IL1RAPL1: variants seen among roughly 807,000 people sequenced by gnomAD.
IL1RAPL1 encodes interleukin-1 receptor accessory protein-like 1.
IL1RAPL1 carries 3 observed loss-of-function variants against 48.4 expected under a neutral mutation model. That is an observed-to-expected ratio of 0.06 (90% CI 0.03 to 0.16). The LOEUF (loss-of-function observed/expected upper bound fraction) is 0.16. Among genes scored for constraint, IL1RAPL1 ranks in the 10% least tolerant of loss-of-function variants. IL1RAPL1 has a pLI of 1.00. For synonymous variants in IL1RAPL1, 185 were observed against 187.7 expected (o/e 0.99, Z 0.12); for missense variants, 349 against 530.6 (o/e 0.66, Z 3.36).
At chrX:29,478,406 C>T (rs771035477) in intron 5 of IL1RAPL1, among the ~76,000 whole-genome samples, 1 of 111,544 alleles carries the variant, frequency 9.0e-6, no homozygotes, top group Non-Finnish European at 1.9e-5. Context: ...CCACTCTTGC[C>T]TCTGTCATCC....
intron 5 of IL1RAPL1, among the ~76,000 whole-genome samples, chrX:29,626,443 T>C (rs1294828609): frequency 1.8e-5 from 2 of 111,827 alleles, no homozygotes; most frequent in Non-Finnish European, 3.8e-5. Flanking sequence ...ATCTCACCCA[T>C]AGAGATGAAG....
At chrX:29,039,116 G>A (rs1926788782) in intron 2 of IL1RAPL1, among the ~76,000 whole-genome samples, 1 of 110,922 alleles carries the variant, frequency 9.0e-6, no homozygotes, top group Admixed American at 9.6e-5. Context: ...CTCACATTTT[G>A]TTCTTTTGTT....
intron 5 of IL1RAPL1, among the ~76,000 whole-genome samples, chrX:29,417,556 G>T (rs1004130248): frequency 5.4e-5 from 6 of 111,425 alleles, no homozygotes; most frequent in African/African-American, 2.0e-4. Flanking sequence ...TCATTTGTTG[G>T]GTTGATCATC....
intron 2 of IL1RAPL1, among the ~76,000 whole-genome samples, chrX:29,240,228 T>TTG (rs1931395811): frequency 4.2e-5 from 1 of 23,707 alleles, no homozygotes; most frequent in South Asian, 1.5e-3. Context: ...ATATATATTT[T>TTG]TTTTTTTTTT....
At chrX:28,770,145 G>A (rs1422618401) in intron 1 of IL1RAPL1, among the ~76,000 whole-genome samples, 1 of 112,027 alleles carries the variant, frequency 8.9e-6, no homozygotes, top group Non-Finnish European at 1.9e-5. Context: ...TTCATGTTTT[G>A]GGATCTCTAA....
intron 1 of IL1RAPL1, among the ~76,000 whole-genome samples, chrX:28,765,276 C>T (rs1936223177): frequency 9.0e-6 from 1 of 110,824 alleles, no homozygotes; most frequent in Non-Finnish European, 1.9e-5. Context: ...ACGTTGTGCA[C>T]ATGTACCTTG....
At chrX:29,255,142 C>CAT (rs1931734532) in intron 2 of IL1RAPL1, among the ~76,000 whole-genome samples, 2 of 62,407 alleles carry the variant, frequency 3.2e-5, no homozygotes, top group African/African-American at 8.0e-5. Flanking sequence ...TGTGTGTGTG[C>CAT]GTGTGTGTGT....
chrX:29,359,117 A>G (rs138768296), intron 3 of IL1RAPL1, among the ~76,000 whole-genome samples: 202 of 112,064 alleles, frequency 1.8e-3, no homozygotes, highest in African/African-American at 5.7e-3. Flanking sequence ...CGTGGTTTAT[A>G]TACTACAATA....
chrX:29,417,057 A>G (rs1293224205), intron 5 of IL1RAPL1, among the ~76,000 whole-genome samples: 1 of 111,801 alleles, frequency 8.9e-6, no homozygotes, highest in African/African-American at 3.2e-5. Context: ...GCTATTTTTA[A>G]ACTGTTCAAA....
chrX:29,180,987 A>G (rs754832305), intron 2 of IL1RAPL1, among the ~76,000 whole-genome samples: 9 of 111,882 alleles, frequency 8.0e-5, no homozygotes, highest in Non-Finnish European at 1.5e-4. Context: ...AAATGCATCC[A>G]TGCTTTTGTG....
At position 29,005,140 on chromosome X, in the gene IL1RAPL1, T is replaced by C. The variant is rs766606350; in HGVS notation, c.82+215715T>C. 3.8e-3 allele frequency among the ~76,000 whole-genome samples: 425 copies of C among 112,474 alleles called. 3 individuals carry two copies. The highest frequency in any genetic ancestry group is 0.012 in the African/African-American group (382 of 31,032). On this transcript the variant is annotated intron_variant, in intron 2 of 10. Transcript: ENST00000378993. ...TTAAAAATTATGACTAGCATGCAGT[T>C]AAGAAACTTGGCAGGCCAAACATCT...
intron 2 of IL1RAPL1, among the ~76,000 whole-genome samples, chrX:29,031,169 G>C (rs1310158981): frequency 1.8e-5 from 2 of 112,036 alleles, no homozygotes; most frequent in African/African-American, 6.5e-5. Flanking sequence ...GATAATTTAG[G>C]AAACTAAAGC....
At chrX:28,799,584 G>A (rs748818383) in intron 2 of IL1RAPL1, among the ~76,000 whole-genome samples, 1 of 111,906 alleles carries the variant, frequency 8.9e-6, no homozygotes, top group African/African-American at 3.3e-5. Context: ...AACTATGTAG[G>A]ATCATACATG....
At chrX:29,220,318 T>C (rs757815575) in intron 2 of IL1RAPL1, among the ~76,000 whole-genome samples, 2 of 112,739 alleles carry the variant, frequency 1.8e-5, no homozygotes, top group East Asian at 5.5e-4. Flanking sequence ...GTAAAAGATA[T>C]TTACATGTCT....
chrX:28,861,166 T>G (rs967907913), intron 2 of IL1RAPL1, among the ~76,000 whole-genome samples: 1 of 111,775 alleles, frequency 8.9e-6, no homozygotes, highest in Non-Finnish European at 1.9e-5. Flanking sequence ...GACAGCCACT[T>G]ATAGTATAAG....
chrX:29,322,769 C>A, intron 3 of IL1RAPL1, among the ~76,000 whole-genome samples: 1 of 110,978 alleles, frequency 9.0e-6, no homozygotes, highest in Non-Finnish European at 1.9e-5. Flanking sequence ...TCAGGTTTTA[C>A]ATCTAAAACC....
At chrX:28,747,365 G>A (rs1235171696) in intron 1 of IL1RAPL1, among the ~76,000 whole-genome samples, 1 of 111,900 alleles carries the variant, frequency 8.9e-6, no homozygotes, top group Non-Finnish European at 1.9e-5. Flanking sequence ...GCCGGGCGCA[G>A]TGGCTCTTGC....
intron 1 of IL1RAPL1, among the ~76,000 whole-genome samples, chrX:28,631,219 T>G (rs768196218): frequency 8.9e-6 from 1 of 111,802 alleles, no homozygotes; most frequent in East Asian, 2.8e-4. Context: ...CATGGTTCAC[T>G]GTCTTGTGCC....
In IL1RAPL1 at chrX:29,696,587, G is replaced by T. The variant is rs982987149; in HGVS notation, c.778+28083G>T. Among the ~76,000 whole-genome samples the T allele has an allele frequency of 2.7e-5, 3 of 111,925 alleles. No individual in the cohort carries two copies. In the Admixed American group the frequency reaches 2.8e-4, roughly 11 times the overall value. On this transcript the variant is annotated intron_variant, in intron 6 of 10. Transcript: ENST00000378993. The stretch of plus-strand genomic sequence containing the variant: ...TGATTTGTCCCAGGTTGCCTACCTA[G>T]CATGGAAGACATCCTGAACACAAGA...
Sources: allele counts gnomAD v4.1 joint callset (sites outside exome capture counted in the v4.1 genomes callset), GRCh38; gene constraint gnomAD v4.1.1; transcripts MANE v1.5; gene names NCBI Gene and HGNC (gene_info 2026-07-23, HGNC 2026-07-21).